Variants in COL6A2 observed in about 807,000 individuals in gnomAD.
COL6A2 encodes the protein collagen type VI alpha 2 chain, also known as collagen alpha-2(VI) chain.
In COL6A2, 90 loss-of-function variants were observed where a neutral mutation model predicts 124.9. The observed-to-expected ratio is 0.72, with a 90% CI of 0.61 to 0.86. The LOEUF is 0.86. Among genes scored for constraint, COL6A2 ranks in the 40% least tolerant of loss-of-function variants. The pLI is 0.00. For missense variants in COL6A2, 1,607 were observed against 1,502.5 expected, an observed-to-expected ratio of 1.07 and a Z score of -1.15; for synonymous variants, 793 against 618.2, an observed-to-expected ratio of 1.28 and a Z score of -4.19.
intron 2 of COL6A2, 103 bp from the exon 3 acceptor site, chr21:46,111,876 G>A (rs572306460): frequency 7.9e-7 from 1 of 1,262,736 alleles, no homozygotes; most frequent in African/African-American, 1.5e-5. Context: ...CTGGCATTCG[G>A]GGGCAGTGAG....
chr21:46,109,529 C>T (rs1474154628), intron 1 of COL6A2, among the ~76,000 whole-genome samples: 3 of 152,222 alleles, frequency 2.0e-5, no homozygotes, highest in South Asian at 2.1e-4. Context: ...TATCTGCCTC[C>T]TGCAGCCATC....
chr21:46,112,025 G>A lies in COL6A2; in HGVS notation c.162G>A (p.Ser54=), dbSNP rs780123839. 42 of 1,612,748 alleles carry A rather than the reference G, an allele frequency of 2.6e-5. No homozygotes were observed. The highest frequency in any genetic ancestry group is 1.2e-4 in the Admixed American group (7 of 60,002). Residue 54 remains serine, a synonymous_variant, in exon 3 of 28, where the codon TCG becomes TCA. Coordinates refer to ENST00000300527, the MANE Select transcript of COL6A2 (RefSeq NM_001849.4). The part of the protein sequence containing the change: ...PIHVYFVLDT[S]ESVTMQSPTD... ...ACGTGTACTTCGTGCTGGACACCTC[G>A]GAGAGCGTCACCATGCAGTCCCCCA...
At chr21:46,119,493 G>A (rs910010299) in intron 14 of COL6A2, among the ~76,000 whole-genome samples, 4 of 152,178 alleles carry the variant, frequency 2.6e-5, no homozygotes, top group Non-Finnish European at 5.9e-5. Flanking sequence ...CCAGGCCCCA[G>A]CCCATCACCT....
intron 19 of COL6A2, 129 bp downstream of exon 19, chr21:46,122,287 C>G (rs1275377706): frequency 1.6e-6 from 2 of 1,262,216 alleles, no homozygotes; most frequent in Non-Finnish European, 1.1e-6. Flanking sequence ...TCCTGCGGGA[C>G]AGAGTGGTGA....
chr21:46,116,949 A>ACACACACACG lies in COL6A2; in HGVS notation c.999+142_999+143insACGCACACAC. ...CATACACACACACACACACACACAC[A>ACACACACACG]CACACACGAACTTCAGCTCCTGCCA... On this transcript the variant is annotated intron_variant, in intron 10 of 27. Coordinates refer to ENST00000300527, the MANE Select transcript of COL6A2 (RefSeq NM_001849.4). This position sits in a 1 kb window ranked among gnomAD's most constrained non-coding sequence, Gnocchi z 4.6. The ACACACACACG allele has an allele frequency of 2.4e-6, 2 of 831,570 alleles. No individual in the cohort carries two copies. Among genetic ancestry groups the ACACACACACG allele is most frequent in the Non-Finnish European group, 3.8e-6 (2 of 522,446 alleles). The allele number at this position is 831,570 out of a possible 1,614,324, so 51.5% of individuals were successfully genotyped here.
chr21:46,122,587 A>G (rs535535879), intron 20 of COL6A2, 56 bp downstream of exon 20: 9 of 1,578,948 alleles, frequency 5.7e-6, no homozygotes, highest in South Asian at 2.2e-5. Context: ...TGCACGCCCA[A>G]TTGCTGGGAA....
intron 1 of COL6A2, among the ~76,000 whole-genome samples, chr21:46,099,396 T>C: frequency 7.2e-6 from 1 of 139,148 alleles, no homozygotes; most frequent in Middle Eastern, 3.7e-3. Context: ...AGGCGGAGGC[T>C]GCAGTGAGCT....
In COL6A2 at chr21:46,114,028, G is replaced by A; in HGVS notation, c.756G>A (p.Leu252=). The stretch of plus-strand genomic sequence containing the variant: ...TTCAGTGCTACAAGGTGAGCTGCCT[G>A]GAAATCCCTGGGCCCTCTGGCCCCA... ...AYGECYKVSC[L]EIPGPSGPKG... Residue 252 remains leucine, a synonymous_variant, in exon 5 of 28, where the codon CTG becomes CTA. Coordinates refer to ENST00000300527, the MANE Select transcript of COL6A2 (RefSeq NM_001849.4). The A allele has an allele frequency of 6.2e-7, 1 of 1,613,822 alleles. No individual in the cohort carries two copies. Among genetic ancestry groups the A allele is most frequent in the Non-Finnish European group, 8.5e-7 (1 of 1,179,990 alleles).
rs940547368 is a variant in COL6A2 at position 46,117,386 on chromosome 21, C to T, written c.1000-14C>T. 2 of 1,612,430 alleles carry T rather than the reference C, an allele frequency of 1.2e-6. No homozygotes were observed. Among genetic ancestry groups the T allele is most frequent in the Admixed American group, 1.7e-5 (1 of 59,976 alleles). On this transcript the variant is annotated splice_polypyrimidine_tract_variant and intron_variant, in intron 10 of 27. Coordinates refer to ENST00000300527, the MANE Select transcript of COL6A2 (RefSeq NM_001849.4). ...ACCCCGCCCTGAGACTCCTCCTGCC[C>T]CCTTCTCCTTCAGGGCAAGCTGGGG...
At position 46,116,156 on chromosome 21, in the gene COL6A2, C is replaced by G. The variant is rs1438956046; in HGVS notation, c.900+103C>G. On this transcript the variant is annotated intron_variant, in intron 7 of 27. Transcript: ENST00000300527. This position sits in a 1 kb window ranked among gnomAD's most constrained non-coding sequence, Gnocchi z 4.6. Reference sequence around the variant, plus strand: ...CGGCCTCAGCCTCTACGACCCTCCCCCCAGTTACCAAGGAACAGAAGCACC... The same window carrying G: ...CGGCCTCAGCCTCTACGACCCTCCCGCCAGTTACCAAGGAACAGAAGCACC... The G allele has an allele frequency of 3.1e-6, 4 of 1,291,180 alleles. No individual in the cohort carries two copies. The highest frequency in any genetic ancestry group is 4.4e-6 in the Non-Finnish European group (4 of 911,476). 80.0% of individuals were successfully genotyped at this position (1,291,180 alleles called of 1,614,324 possible). A position where few individuals can be genotyped will look rare whatever the true frequency, so the allele number is the denominator to read the frequency against.
In COL6A2 at chr21:46,132,320, C is replaced by T. The variant is rs372022187; in HGVS notation, c.2828C>T (p.Ser943Phe). ...GGGGCCCGGAGGCACGCAGAGCTGT[C>T]CTTCGTGTTCCTCACGGACGGCGTC... ...RGGARRHAEL[S>F]FVFLTDGVTG... Residue 943 changes from serine to phenylalanine, a missense_variant, in exon 28 of 28, where the codon TCC (serine) becomes TTC (phenylalanine). Ser to Phe is a radical substitution (Grantham distance 155). This residue lies in a region of COL6A2 where 1,223 missense variants were observed against 1,052.2 expected (regional missense o/e 1.16). Transcript: ENST00000300527. The T allele has an allele frequency of 1.2e-6, 2 of 1,607,356 alleles. No homozygotes were observed. Among genetic ancestry groups the T allele is most frequent in the Non-Finnish European group, 8.5e-7 (1 of 1,179,528 alleles).
intron 5 of COL6A2, among the ~76,000 whole-genome samples, chr21:46,114,518 A>G (rs1012154914): frequency 2.0e-5 from 3 of 152,222 alleles, no homozygotes; most frequent in African/African-American, 7.2e-5. Flanking sequence ...CTAAAACTCT[A>G]TATGTCTAAT....
chr21:46,124,410 A>C (rs1385562982), intron 21 of COL6A2, among the ~76,000 whole-genome samples: 2 of 152,140 alleles, frequency 1.3e-5, no homozygotes, highest in Non-Finnish European at 2.9e-5. Flanking sequence ...TGGGACACCC[A>C]GCTCTGCCAG....
chr21:46,132,064 C>G lies in COL6A2; in HGVS notation c.2572C>G (p.Gln858Glu), dbSNP rs1555877252. The G allele has an allele frequency of 6.2e-7, 1 of 1,605,860 alleles. No individual in the cohort carries two copies. Among genetic ancestry groups the G allele is most frequent in the South Asian group, 1.1e-5 (1 of 90,694 alleles). The stretch of plus-strand genomic sequence containing the variant: ...CCACAAGGCCCGGCGCTTCGTGGAG[C>G]AGGTGGCGCGGCGGCTGACGCTGGC... Reference protein sequence around the residue: ...NFHKARRFVEQVARRLTLARR... With the variant: ...NFHKARRFVEEVARRLTLARR... The change falls in exon 28 of 28, where the codon CAG (glutamine) becomes GAG (glutamate). Residue 858 changes from glutamine to glutamate, a missense_variant. Gln to Glu is a conservative substitution (Grantham distance 29, BLOSUM62 2). Coordinates refer to ENST00000300527, the MANE Select transcript of COL6A2 (RefSeq NM_001849.4).
At chr21:46,119,980 C>T in intron 15 of COL6A2, 130 bp downstream of exon 15, 8 of 841,604 alleles carry the variant, frequency 9.5e-6, no homozygotes, top group Non-Finnish European at 1.4e-5. Flanking sequence ...AGTTCACTCT[C>T]TGCAGAGTCT....
intron 19 of COL6A2, 126 bp from the exon 20 acceptor site, chr21:46,122,370 C>T (rs2078580318): frequency 7.3e-7 from 1 of 1,371,934 alleles, no homozygotes; most frequent in Non-Finnish European, 1.0e-6. Context: ...CAGAACGCAG[C>T]ACAGTGGCCT....
rs117725825 is a variant in COL6A2, at chr21:46,132,287, C to T, written c.2795C>T (p.Pro932Leu). The T allele has an allele frequency of 3.5e-3, 5,551 of 1,606,806 alleles. 14 individuals carry two copies. The highest frequency in any genetic ancestry group is 4.2e-3 in the Non-Finnish European group (4,958 of 1,179,264). ...GCCATCAATGCCATCGTGCGCAGCC[C>T]GCGTGGCGGGGCCCGGAGGCACGCA... ...VHAINAIVRS[P>L]RGGARRHAEL... Residue 932 changes from proline to leucine, a missense_variant, in exon 28 of 28, where the codon CCG (proline) becomes CTG (leucine). Around this residue, in one of 3 missense-constraint regions of COL6A2, gnomAD observed 1,223 missense variants for 1,052.2 expected, o/e 1.16. Coordinates refer to ENST00000300527, the MANE Select transcript of COL6A2 (RefSeq NM_001849.4).
intron 27 of COL6A2, among the ~76,000 whole-genome samples, chr21:46,131,153 C>G (rs2078755400): frequency 6.6e-6 from 1 of 152,210 alleles, no homozygotes; most frequent in African/African-American, 2.4e-5. Flanking sequence ...CTCCCCCATC[C>G]CAGGAGCTGA....
chr21:46,123,697 G>GGA (rs1438423943), intron 21 of COL6A2, among the ~76,000 whole-genome samples: 1 of 150,164 alleles, frequency 6.7e-6, no homozygotes. Flanking sequence ...AGGTGGGTAG[G>GGA]TGGGTAGATG....
Sources: gnomAD v4.1 joint callset for allele counts (sites outside exome capture counted in the v4.1 genomes callset) on GRCh38, gnomAD v4.1.1 for gene constraint, gnomAD v4.1.1 regional missense constraint, Gnocchi (gnomAD v3.1) non-coding constraint, MANE v1.5 for transcripts, NCBI Gene and HGNC (gene_info 2026-07-23, HGNC 2026-07-21) for gene names.